ZNF30: variants seen among roughly 807,000 people sequenced by gnomAD.
ZNF30 encodes zinc finger protein 30 (KOX 28).
Under a neutral mutation model 13.2 loss-of-function variants are expected in ZNF30, and 15 were observed. The observed-to-expected ratio is 1.13, with a 90% CI of 0.76 to 1.75. ZNF30 has a LOEUF of 1.75. Among genes scored for constraint, ZNF30 ranks in the 40% most tolerant of loss-of-function variants. The pLI, the probability that ZNF30 is intolerant of heterozygous loss-of-function variation, is 0.00. For synonymous variants in ZNF30, 223 were observed against 256.6 expected (o/e 0.87, Z 1.25); for missense variants, 726 against 757.0 (o/e 0.96, Z 0.48).
At chr19:34,933,361 G>A (rs2012559889) in intron 3 of ZNF30, among the ~76,000 whole-genome samples, 1 of 152,052 alleles carries the variant, frequency 6.6e-6, no homozygotes, top group South Asian at 2.1e-4. Flanking sequence ...GCTGAGGTGG[G>A]AGAATTGCTT....
intron 1 of ZNF30, among the ~76,000 whole-genome samples, chr19:34,928,509 G>A (rs1478756250): frequency 6.6e-6 from 1 of 151,888 alleles, no homozygotes; most frequent in East Asian, 1.9e-4. Context: ...TATTATAGTT[G>A]TTCTATTTTA....
chr19:34,943,184 C>A, intron 4 of ZNF30, 39 bp from the exon 5 acceptor site: 1 of 1,337,892 alleles, frequency 7.5e-7, no homozygotes, highest in East Asian at 2.8e-5. Flanking sequence ...AATTTTTTTT[C>A]AAATAGAAAA....
At chr19:34,939,221 G>A (rs1177952197) in intron 4 of ZNF30, among the ~76,000 whole-genome samples, 2 of 147,540 alleles carry the variant, frequency 1.4e-5, no homozygotes, top group Non-Finnish European at 1.5e-5. Flanking sequence ...TTGCTCTGTC[G>A]CCTAGGCTGG....
intron 4 of ZNF30, among the ~76,000 whole-genome samples, chr19:34,941,908 C>T (rs184309544): frequency 5.3e-5 from 8 of 152,174 alleles, no homozygotes; most frequent in African/African-American, 9.6e-5. Flanking sequence ...AATGTCTGGC[C>T]GTGCTCCTCA....
chr19:34,936,886 C>A (rs1184430262), intron 4 of ZNF30, among the ~76,000 whole-genome samples: 1 of 151,674 alleles, frequency 6.6e-6, no homozygotes, highest in African/African-American at 2.4e-5. Flanking sequence ...ACAGAGAAAA[C>A]CCCTGTCTCA....
At chr19:34,928,625 G>A (rs1214395746) in intron 1 of ZNF30, among the ~76,000 whole-genome samples, 1 of 151,904 alleles carries the variant, frequency 6.6e-6, no homozygotes, top group South Asian at 2.1e-4. Context: ...TTGAGGTCAG[G>A]AGTTCGAGAC....
chr19:34,928,250 T>TAGAG (rs1336177732), intron 1 of ZNF30, among the ~76,000 whole-genome samples: 1 of 53,480 alleles, frequency 1.9e-5, no homozygotes, highest in African/African-American at 1.6e-4. Context: ...TATATATATA[T>TAGAG]ATATAGATAG....
At chr19:34,928,250 TATATAGATAG>T (rs1315905262) in intron 1 of ZNF30, among the ~76,000 whole-genome samples, 156 of 53,412 alleles carry the variant, frequency 2.9e-3, no homozygotes, top group African/African-American at 0.018. Flanking sequence ...TATATATATA[TATATAGATAG>T]ATAGATAGAT....
At chr19:34,927,628 A>G (rs1338645389) in intron 1 of ZNF30, among the ~76,000 whole-genome samples, 1 of 152,230 alleles carries the variant, frequency 6.6e-6, no homozygotes, top group East Asian at 1.9e-4. Flanking sequence ...ACTAATGACA[A>G]AATTATGTAA....
In ZNF30 at chr19:34,944,059, A is replaced by G. The variant is rs763987647; in HGVS notation, c.1093A>G (p.Ile365Val). The change falls in exon 5 of 5, where the codon ATT becomes GTT. Residue 365 changes from isoleucine to valine, a missense_variant. Physicochemically the swap from Ile to Val is conservative, Grantham distance 29 (BLOSUM62 3). Coordinates refer to ENST00000601142, the MANE Select transcript of ZNF30 (RefSeq NM_194325.3). Reference sequence around the variant, plus strand: ...TTCCTTCCTTCATGCACATCAGCGAATTCATGCAGAGATAAAGCCCTACGG... The same window carrying G: ...TTCCTTCCTTCATGCACATCAGCGAGTTCATGCAGAGATAAAGCCCTACGG... ...LSSFLHAHQR[I>V]HAEIKPYGCK... 7 of 1,613,960 alleles carry G rather than the reference A, an allele frequency of 4.3e-6. No homozygotes were observed. In the Middle Eastern group the frequency reaches 6.6e-4, roughly 152 times the overall value.
At chr19:34,943,077 CTT>C (rs11315514) in intron 4 of ZNF30, 144 bp from the exon 5 acceptor site, 8,353 of 466,252 alleles carry the variant, frequency 0.018, no homozygotes, top group East Asian at 0.034. Context: ...CTCTGCATTC[CTT>C]TTTTTTTTTT....
intron 4 of ZNF30, among the ~76,000 whole-genome samples, chr19:34,940,027 T>C (rs1289315168): frequency 6.6e-6 from 1 of 152,252 alleles, no homozygotes; most frequent in African/African-American, 2.4e-5. Flanking sequence ...TTCTCTTTGT[T>C]CTTTTGAAGG....
intron 4 of ZNF30, among the ~76,000 whole-genome samples, chr19:34,940,842 G>A (rs1446139352): frequency 6.6e-6 from 1 of 152,034 alleles, no homozygotes; most frequent in African/African-American, 2.4e-5. Flanking sequence ...TCAAAGACTT[G>A]TACACAAATG....
At chr19:34,929,984 G>A (rs773643959) in intron 2 of ZNF30, 28 bp downstream of exon 2, 1 of 1,596,988 alleles carries the variant, frequency 6.3e-7, no homozygotes, top group Admixed American at 1.7e-5. Flanking sequence ...CTTGAAATAT[G>A]GGGATTTTTA....
rs2012098203 is a variant in ZNF30 at position 34,926,907 on chromosome 19, T to G, written c.-374T>G. 2 of 397,908 alleles carry G rather than the reference T, an allele frequency of 5.0e-6. No homozygotes were observed. The highest frequency in any genetic ancestry group is 2.5e-4 in the South Asian group (2 of 7,852). 24.6% of individuals were successfully genotyped at this position (397,908 alleles called of 1,614,324 possible). A position where few individuals can be genotyped will look rare whatever the true frequency, so the allele number is the denominator to read the frequency against. ...CTCCGGGCGCCGGTGGGCGGCCTTG[T>G]GGACTGCGCCGGGCATGCTCGGCGG... On this transcript the variant is annotated 5_prime_UTR_variant, in exon 1 of 5. Coordinates refer to ENST00000601142, the MANE Select transcript of ZNF30 (RefSeq NM_194325.3).
chr19:34,927,278 G>GAGGGTGCGGCGGCAGGGCAGA, intron 1 of ZNF30, 62 bp downstream of exon 1: 1 of 356,456 alleles, frequency 2.8e-6, no homozygotes, highest in Non-Finnish European at 5.0e-6. Flanking sequence ...GGCAGGGCAG[G>GAGGGTGCGGCGGCAGGGCAGA]GAGGGTGCGT....
In ZNF30 at chr19:34,944,486, C is replaced by G; in HGVS notation, c.1520C>G (p.Thr507Ser). The G allele has an allele frequency of 6.2e-7, 1 of 1,613,856 alleles. No homozygotes were observed. The highest frequency in any genetic ancestry group is 8.5e-7 in the Non-Finnish European group (1 of 1,179,966). The change falls in exon 5 of 5, where the codon ACT (threonine) becomes AGT (serine). Residue 507 changes from threonine (T) to serine (S), a missense_variant. By Grantham distance (58) the Thr-to-Ser change is moderately conservative. Transcript: ENST00000601142. ...CTTGTACAACATAGCAGAATCCATA[C>G]TGGTAAGAAGCCCTATGAGTGTAAG... ...SYLVQHSRIH[T>S]GKKPYECKEC...
chr19:34,941,681 A>G (rs2013056515), intron 4 of ZNF30, among the ~76,000 whole-genome samples: 1 of 152,236 alleles, frequency 6.6e-6, no homozygotes, highest in South Asian at 2.1e-4. Flanking sequence ...AGGAGATAAC[A>G]GGAACCATCC....
chr19:34,939,431 G>C (rs553437151), intron 4 of ZNF30, among the ~76,000 whole-genome samples: 91 of 150,394 alleles, frequency 6.1e-4, no homozygotes, highest in African/African-American at 2.2e-3. Context: ...ACCCGCTTCG[G>C]CCTCCCAAAG....
Sources: gnomAD v4.1 joint callset for allele counts (sites outside exome capture counted in the v4.1 genomes callset) on GRCh38, gnomAD v4.1.1 for gene constraint, MANE v1.5 for transcripts, NCBI Gene and HGNC (gene_info 2026-07-23, HGNC 2026-07-21) for gene names.